Variants in SMG1 observed in about 807,000 individuals in gnomAD.
SMG1 encodes serine/threonine-protein kinase SMG1.
SMG1 carries 22 observed loss-of-function variants against 419.9 expected under a neutral mutation model. That is an observed-to-expected ratio of 0.05 (90% confidence interval 0.04 to 0.07). The LOEUF (loss-of-function observed/expected upper bound fraction) is 0.07. Ranked by LOEUF, SMG1 falls within the 10% of genes least tolerant of loss-of-function variation. The probability of loss-of-function intolerance (pLI) is 1.00; values close to 1 mark genes in which losing one functional copy is unlikely to be tolerated. For synonymous variants in SMG1, 1,538 were observed against 1,553.5 expected, an observed-to-expected ratio of 0.99 and a Z score of 0.23; for missense variants, 3,185 against 4,342.0, an observed-to-expected ratio of 0.73 and a Z score of 7.49.
intron 29 of SMG1, among the ~76,000 whole-genome samples, chr16:18,855,651 C>T (rs2034857331): frequency 6.6e-6 from 1 of 152,170 alleles, no homozygotes; most frequent in African/African-American, 2.4e-5. Context: ...AAGTACTTGG[C>T]CACCATCACA....
rs910585634 is a variant in SMG1, at chr16:18,812,653, C to T, written c.10622-526G>A. The stretch of plus-strand genomic sequence containing the variant: ...ACACATATATATACACATATACACA[C>T]ACACACACATATATATATACACACA... On this transcript the variant is annotated intron_variant, in intron 60 of 62. Coordinates refer to ENST00000446231, the MANE Select transcript of SMG1 (RefSeq NM_015092.5). Among the ~76,000 whole-genome samples the T allele has an allele frequency of 3.4e-5, 5 of 147,456 alleles. No homozygotes were observed. In the East Asian group the frequency reaches 7.9e-4, roughly 23 times the overall value.
chr16:18,865,527 AGTGCTACG>A (rs199892148), intron 23 of SMG1, among the ~76,000 whole-genome samples: 9,935 of 151,706 alleles, frequency 0.065, 1,064 homozygotes, highest in African/African-American at 0.23. Context: ...AAAGATATTA[AGTGCTACG>A]GTACATTTAG....
rs189052156 is a variant in SMG1 at position 18,883,011 on chromosome 16, T to C, written c.1120-673A>G. On this transcript the variant is annotated intron_variant, in intron 9 of 62. Coordinates refer to ENST00000446231, the MANE Select transcript of SMG1 (RefSeq NM_015092.5). Reference sequence around the variant, plus strand: ...CGTGGGCTGTGAAAAAAAGACGTTCTAGGTGTGGGGGCAAAGAAAAAACAA... The same window carrying C: ...CGTGGGCTGTGAAAAAAAGACGTTCCAGGTGTGGGGGCAAAGAAAAAACAA... Among the ~76,000 whole-genome samples, 310 of 152,202 alleles carry C rather than the reference T, an allele frequency of 2.0e-3. 2 individuals are homozygous for C. The highest frequency in any genetic ancestry group is 7.2e-3 in the African/African-American group (297 of 41,534).
chr16:18,887,077 G>A (rs546798393), intron 6 of SMG1, among the ~76,000 whole-genome samples: 18 of 152,266 alleles, frequency 1.2e-4, no homozygotes, highest in African/African-American at 4.3e-4. Flanking sequence ...GCTCAACAAA[G>A]TGTGTGAGAA....
chr16:18,846,100 C>T (rs939444928), intron 38 of SMG1, among the ~76,000 whole-genome samples: 1 of 152,108 alleles, frequency 6.6e-6, no homozygotes, highest in African/African-American at 2.4e-5. Flanking sequence ...AGGTATGAGT[C>T]ACCGTGTCCA....
rs1295493314 is a variant in SMG1, at chr16:18,809,363, T to C, written c.*206A>G. 1 of 542,124 alleles carries C rather than the reference T, an allele frequency of 1.8e-6. No homozygotes were observed. Among genetic ancestry groups the C allele is most frequent in the Non-Finnish European group, 3.4e-6 (1 of 292,292 alleles). 33.6% of individuals were successfully genotyped at this position (542,124 alleles called of 1,614,324 possible). ...CTTTCCTTCACCCTTGACCCTGGGGTTGCAGGCCATGGTGTTGGGCGTATC... is the reference window on the plus strand; with the variant it reads ...CTTTCCTTCACCCTTGACCCTGGGGCTGCAGGCCATGGTGTTGGGCGTATC... On this transcript the variant is annotated 3_prime_UTR_variant, in exon 63 of 63. Transcript: ENST00000446231.
intron 50 of SMG1, 54 bp from the exon 51 acceptor site, chr16:18,833,220 C>G: frequency 1.5e-5 from 22 of 1,442,826 alleles, no homozygotes; most frequent in Non-Finnish European, 2.0e-5. Context: ...AGCTAAGTTA[C>G]ACATTTGGAG....
intron 41 of SMG1, among the ~76,000 whole-genome samples, chr16:18,840,934 C>T (rs1310468654): frequency 6.6e-6 from 1 of 152,200 alleles, no homozygotes; most frequent in Admixed American, 6.5e-5. Context: ...GTGGCTCATG[C>T]CTGTAATCCC....
At chr16:18,833,893 A>T (rs1354663531) in intron 50 of SMG1, among the ~76,000 whole-genome samples, 1 of 152,216 alleles carries the variant, frequency 6.6e-6, no homozygotes, top group Non-Finnish European at 1.5e-5. Flanking sequence ...TATGTTATCA[A>T]GGTGTCGTTC....
chr16:18,889,022 C>T (rs553683760), intron 6 of SMG1, among the ~76,000 whole-genome samples: 28 of 151,828 alleles, frequency 1.8e-4, no homozygotes, highest in African/African-American at 6.8e-4. Flanking sequence ...TATGGGGTTT[C>T]ACTATGTTAG....
chr16:18,806,411 A>G lies in SMG1; in HGVS notation c.*3158T>C, dbSNP rs751134994. 54 of 152,776 alleles carry G rather than the reference A, an allele frequency of 3.5e-4. No homozygotes were observed. The highest frequency in any genetic ancestry group is 5.7e-4 in the Non-Finnish European group (39 of 68,030). The allele number at this position is 152,776 out of a possible 1,614,324, so 9.5% of individuals were successfully genotyped here. On this transcript the variant is annotated 3_prime_UTR_variant, in exon 63 of 63. Transcript: ENST00000446231. ...CAAGAGCCTGATTATCAGTTCTCAC[A>G]TGGAAATCTCAACAGATTTCAAAAG...
At chr16:18,899,904 G>T in intron 1 of SMG1, 1 of 722,284 alleles carries the variant, frequency 1.4e-6, no homozygotes, top group Non-Finnish European at 2.4e-6. Flanking sequence ...AAAAAGAAAT[G>T]CATAAATTTC....
At chr16:18,840,273 A>C (rs997844924) in intron 41 of SMG1, among the ~76,000 whole-genome samples, 4 of 152,238 alleles carry the variant, frequency 2.6e-5, no homozygotes, top group African/African-American at 9.6e-5. Context: ...TATAGTTCAT[A>C]ATTTATGCAC....
chr16:18,819,896 C>A (rs2032361224), intron 55 of SMG1, among the ~76,000 whole-genome samples: 1 of 152,092 alleles, frequency 6.6e-6, no homozygotes, highest in Non-Finnish European at 1.5e-5. Flanking sequence ...TTAAAACGTA[C>A]AGAAGGAAGT....
intron 10 of SMG1, among the ~76,000 whole-genome samples, chr16:18,880,251 T>C (rs1269272763): frequency 6.6e-6 from 1 of 152,206 alleles, no homozygotes; most frequent in African/African-American, 2.4e-5. Context: ...TTATTTCCAA[T>C]ACACACACAA....
At chr16:18,848,654 CAG>C (rs757757999) in intron 36 of SMG1, among the ~76,000 whole-genome samples, 18 of 152,056 alleles carry the variant, frequency 1.2e-4, no homozygotes, top group Non-Finnish European at 2.2e-4. Context: ...GTGAGCCTGG[CAG>C]AGGTACTCCA....
intron 1 of SMG1, among the ~76,000 whole-genome samples, chr16:18,924,663 T>A (rs1372936063): frequency 1.3e-5 from 2 of 149,362 alleles, no homozygotes; most frequent in Admixed American, 6.7e-5. Flanking sequence ...CGAACAATAT[T>A]TTTTTTTTTA....
In SMG1 at chr16:18,806,325, T is replaced by C. The variant is rs2141897423; in HGVS notation, c.*3244A>G. 1 of 152,780 alleles carries C rather than the reference T, an allele frequency of 6.5e-6. No homozygotes were observed. The highest frequency in any genetic ancestry group is 2.1e-4 in the South Asian group (1 of 4,826). 9.5% of individuals were successfully genotyped at this position (152,780 alleles called of 1,614,324 possible). A position where few individuals can be genotyped will look rare whatever the true frequency, so the allele number is the denominator to read the frequency against. The stretch of plus-strand genomic sequence containing the variant: ...AAGTGATGGAAGTGTTTCTTTGTAT[T>C]ACAAACCCTCACCCTAAACCTGGGG... On this transcript the variant is annotated 3_prime_UTR_variant, in exon 63 of 63. Coordinates refer to ENST00000446231, the MANE Select transcript of SMG1 (RefSeq NM_015092.5).
chr16:18,816,143 G>A (rs967999394), intron 58 of SMG1, 159 bp downstream of exon 58: 2 of 638,504 alleles, frequency 3.1e-6, no homozygotes, highest in Admixed American at 6.1e-5. Flanking sequence ...TTAAAAAATA[G>A]TTGATGAAAA....
Sources: gnomAD v4.1 joint callset for allele counts (sites outside exome capture counted in the v4.1 genomes callset) on GRCh38, gnomAD v4.1.1 for gene constraint, MANE v1.5 for transcripts, NCBI Gene and HGNC (gene_info 2026-07-23, HGNC 2026-07-21) for gene names.